RSL1D1: variants seen among roughly 807,000 people sequenced by gnomAD.
The protein encoded by RSL1D1 is ribosomal L1 domain-containing protein 1.
In RSL1D1, 34 loss-of-function variants were observed where a neutral mutation model predicts 44.6. The ratio of observed to expected loss-of-function variants is 0.76; its 90% CI spans 0.58 to 1.02. The LOEUF is 1.02. Among genes scored for constraint, RSL1D1 ranks in the 50% least tolerant of loss-of-function variants. RSL1D1 has a pLI of 0.00. For missense variants in RSL1D1, 767 were observed against 568.1 expected (o/e 1.35, Z -3.56); for synonymous variants, 271 against 207.4 (o/e 1.31, Z -2.63).
At position 11,836,420 on chromosome 16, in the gene RSL1D1, C is replaced by T. The variant is rs1007026956; in HGVS notation, c.*1367G>A. The T allele has an allele frequency of 1.3e-5, 2 of 152,204 alleles. No individual in the cohort carries two copies. Among genetic ancestry groups the T allele is most frequent in the African/African-American group, 4.8e-5 (2 of 41,462 alleles). The allele number at this position is 152,204 out of a possible 1,614,324, so 9.4% of individuals were successfully genotyped here. ...GGCATGCAAGAACATTCCTGCACTG[C>T]AGTGAATCTGTGAACTTACTACTAC... On this transcript the variant is annotated 3_prime_UTR_variant, in exon 9 of 9. Coordinates refer to ENST00000571133, the MANE Select transcript of RSL1D1 (RefSeq NM_015659.3).
At chr16:11,851,277 A>G in intron 1 of RSL1D1, 131 bp downstream of exon 1, 1 of 851,962 alleles carries the variant, frequency 1.2e-6, no homozygotes, top group Non-Finnish European at 2.0e-6. Context: ...CAGCTGAGGC[A>G]CACGGCCCGC....
chr16:11,846,493 T>C lies in RSL1D1; in HGVS notation c.635+8A>G, dbSNP rs1410112609. On this transcript the variant is annotated splice_region_variant and intron_variant, in intron 5 of 8. Transcript: ENST00000571133. ...TAAAAGAGGCACACATGAATGCCTTTTACCTACCTGCAAGAACCACTTTTA... is the reference window on the plus strand; with the variant it reads ...TAAAAGAGGCACACATGAATGCCTTCTACCTACCTGCAAGAACCACTTTTA... The C allele has an allele frequency of 1.4e-6, 2 of 1,420,120 alleles. No homozygotes were observed. The highest frequency in any genetic ancestry group is 9.8e-7 in the Non-Finnish European group (1 of 1,022,200). The allele number at this position is 1,420,120 out of a possible 1,614,324, so 88.0% of individuals were successfully genotyped here. A position where few individuals can be genotyped will look rare whatever the true frequency, so the allele number is the denominator to read the frequency against.
chr16:11,849,221 AAAGATTTCAAAATTAGCT>A (rs993676529), intron 2 of RSL1D1: 2 of 152,154 alleles, frequency 1.3e-5, no homozygotes, highest in African/African-American at 4.8e-5. Context: ...TCATCTCCAC[AAAGATTTCAAAATTAGCT>A]AGGCATGGTG....
chr16:11,843,416 C>T lies in RSL1D1; in HGVS notation c.636-1416G>A, dbSNP rs534751743. On this transcript the variant is annotated intron_variant, in intron 5 of 8. Coordinates refer to ENST00000571133, the MANE Select transcript of RSL1D1 (RefSeq NM_015659.3). ...GGTAGCACCTGACTGTGAGGTTAGGCGCATTGGGAGGCAGGGCCAGAGGAG... is the reference window on the plus strand; with the variant it reads ...GGTAGCACCTGACTGTGAGGTTAGGTGCATTGGGAGGCAGGGCCAGAGGAG... Among the ~76,000 whole-genome samples, 14 of 151,976 alleles carry T rather than the reference C, an allele frequency of 9.2e-5. No individual in the cohort carries two copies. The East Asian group carries it at 2.5e-3, about 28-fold the overall frequency.
intron 5 of RSL1D1, among the ~76,000 whole-genome samples, chr16:11,845,148 G>A (rs1002621955): frequency 6.6e-6 from 1 of 152,148 alleles, no homozygotes; most frequent in African/African-American, 2.4e-5. Flanking sequence ...GGGGTAATAT[G>A]GTGCTTTTAA....
chr16:11,840,018 G>A, intron 7 of RSL1D1, 33 bp from the exon 8 acceptor site: 1 of 1,601,654 alleles, frequency 6.2e-7, no homozygotes, highest in South Asian at 1.1e-5. Flanking sequence ...CATTTTAGCA[G>A]GAACAGTTCT....
chr16:11,842,032 T>TA, intron 5 of RSL1D1, 32 bp from the exon 6 acceptor site: 7 of 1,479,090 alleles, frequency 4.7e-6, no homozygotes, highest in African/African-American at 1.4e-5. Context: ...GACAAGATTT[T>TA]AAAAAACCAT....
At chr16:11,842,346 C>CA (rs1379987257) in intron 5 of RSL1D1, among the ~76,000 whole-genome samples, 6 of 148,278 alleles carry the variant, frequency 4.0e-5, no homozygotes, top group East Asian at 1.9e-4. Context: ...AAAAACAAAA[C>CA]AAAAAAACAA....
At position 11,851,399 on chromosome 16, in the gene RSL1D1, A is replaced by G. The variant is rs770927681; in HGVS notation, c.105+9T>C. ...TGCTTCCAAGCCACCCTCCCCAGGA[A>G]CCACTCACCTGTTCTTTATCCAGCT... On this transcript the variant is annotated intron_variant, in intron 1 of 8. Coordinates refer to ENST00000571133, the MANE Select transcript of RSL1D1 (RefSeq NM_015659.3). 2 of 1,613,470 alleles carry G rather than the reference A, an allele frequency of 1.2e-6. No individual in the cohort carries two copies. The highest frequency in any genetic ancestry group is 2.2e-5 in the South Asian group (2 of 91,066).
At position 11,845,005 on chromosome 16, in the gene RSL1D1, C is replaced by T. The variant is rs972449995; in HGVS notation, c.635+1496G>A. ...TAGGTAAGACTAGGTGTGGGGGCTC[C>T]GCCTAGCTCAGTATCCAGGGTAAGG... On this transcript the variant is annotated intron_variant, in intron 5 of 8. Transcript: ENST00000571133. Among the ~76,000 whole-genome samples the T allele has an allele frequency of 7.2e-5, 11 of 152,132 alleles. No homozygotes were observed. The East Asian group carries it at 1.9e-3, about 27-fold the overall frequency.
chr16:11,839,950 T>C lies in RSL1D1; in HGVS notation c.891A>G (p.Glu297=). Residue 297 remains glutamate (E), a synonymous_variant, in exon 8 of 9, where the codon GAA becomes GAG. Coordinates refer to ENST00000571133, the MANE Select transcript of RSL1D1 (RefSeq NM_015659.3). ...ARRKRRERNF[E]KQKERKKKRQ... is the part of the protein sequence containing the mutation. Reference sequence around the variant, plus strand: ...TCTTCTTCTTCCTCTCCTTTTGTTTTTCAAAATTTCTTTCTCTTCGTTTTC... The same window carrying C: ...TCTTCTTCTTCCTCTCCTTTTGTTTCTCAAAATTTCTTTCTCTTCGTTTTC... 6.2e-7 allele frequency: 1 copy of C among 1,612,020 alleles called. No individual in the cohort carries two copies. The highest frequency in any genetic ancestry group is 8.5e-7 in the Non-Finnish European group (1 of 1,179,442).
rs752917810 is a variant in RSL1D1, at chr16:11,839,718, T to A, written c.1123A>T (p.Thr375Ser). The change falls in exon 8 of 9, where the codon ACT becomes TCT. Residue 375 changes from threonine (T) to serine (S), a missense_variant. Coordinates refer to ENST00000571133, the MANE Select transcript of RSL1D1 (RefSeq NM_015659.3). Reference protein sequence around the residue: ...IPQLVPIGKKTPANEKVEIQK... With the variant: ...IPQLVPIGKKSPANEKVEIQK... ...ACCTCTACTTTTTCATTAGCTGGAGTCTTCTTTCCTATTGGTACCAGCTGT... is the reference window on the plus strand; with the variant it reads ...ACCTCTACTTTTTCATTAGCTGGAGACTTCTTTCCTATTGGTACCAGCTGT... 22 of 1,613,042 alleles carry A rather than the reference T, an allele frequency of 1.4e-5. No homozygotes were observed. Among genetic ancestry groups the A allele is most frequent in the Admixed American group, 5.0e-5 (3 of 59,722 alleles).
chr16:11,834,762 T>C lies in RSL1D1; in HGVS notation c.*3025A>G, dbSNP rs1468945336. On this transcript the variant is annotated 3_prime_UTR_variant, in exon 9 of 9. Coordinates refer to ENST00000571133, the MANE Select transcript of RSL1D1 (RefSeq NM_015659.3). The stretch of plus-strand genomic sequence containing the variant: ...AAAGGACAGTGGGGTTACAAATAAT[T>C]TTATATTTTAGATGCTTTCATAATT... 1 of 152,216 alleles carries C rather than the reference T, an allele frequency of 6.6e-6. No individual in the cohort carries two copies. The highest frequency in any genetic ancestry group is 1.5e-5 in the Non-Finnish European group (1 of 68,044). The allele number at this position is 152,216 out of a possible 1,614,324, so 9.4% of individuals were successfully genotyped here.
At position 11,851,219 on chromosome 16, in the gene RSL1D1, C is replaced by T. The variant is rs1440373857; in HGVS notation, c.105+189G>A. ...AACCCAATTCACTAGCGCCAGGCCGCAGGACCAGGGAAAGCAGGCGCCCAC... is the reference window on the plus strand; with the variant it reads ...AACCCAATTCACTAGCGCCAGGCCGTAGGACCAGGGAAAGCAGGCGCCCAC... On this transcript the variant is annotated intron_variant, in intron 1 of 8. Coordinates refer to ENST00000571133, the MANE Select transcript of RSL1D1 (RefSeq NM_015659.3). 6 of 649,332 alleles carry T rather than the reference C, an allele frequency of 9.2e-6. No homozygotes were observed. In the East Asian group the frequency reaches 1.7e-4, roughly 18 times the overall value. The allele number at this position is 649,332 out of a possible 1,614,324, so 40.2% of individuals were successfully genotyped here. A position where few individuals can be genotyped will look rare whatever the true frequency, so the allele number is the denominator to read the frequency against.
Position 11,837,686 on chromosome 16 carries a change from G to T in RSL1D1, c.*101C>A. ...GTTTTAAAAAATCTTTTAAGTCCAG[G>T]CCTGACGTTTAGAGAAGGTTACAAA... On this transcript the variant is annotated 3_prime_UTR_variant, in exon 9 of 9. Transcript: ENST00000571133. The T allele has an allele frequency of 9.1e-7, 1 of 1,100,382 alleles. No individual in the cohort carries two copies. 68.2% of individuals were successfully genotyped at this position (1,100,382 alleles called of 1,614,324 possible). A position where few individuals can be genotyped will look rare whatever the true frequency, so the allele number is the denominator to read the frequency against.
Position 11,837,655 on chromosome 16 carries a change from A to T in RSL1D1, c.*132T>A. 1 of 857,624 alleles carries T rather than the reference A, an allele frequency of 1.2e-6. No individual in the cohort carries two copies. The highest frequency in any genetic ancestry group is 1.8e-6 in the Non-Finnish European group (1 of 543,314). 53.1% of individuals were successfully genotyped at this position (857,624 alleles called of 1,614,324 possible). On this transcript the variant is annotated 3_prime_UTR_variant, in exon 9 of 9. Coordinates refer to ENST00000571133, the MANE Select transcript of RSL1D1 (RefSeq NM_015659.3). ...GTGAGCCACCGCCCCTGGACTACTTATGGAGGTTTTAAAAAATCTTTTAAG... is the reference window on the plus strand; with the variant it reads ...GTGAGCCACCGCCCCTGGACTACTTTTGGAGGTTTTAAAAAATCTTTTAAG...
intron 5 of RSL1D1, among the ~76,000 whole-genome samples, chr16:11,844,928 T>C (rs2053787394): frequency 6.6e-6 from 1 of 152,212 alleles, no homozygotes; most frequent in African/African-American, 2.4e-5. Context: ...AACCGCATCC[T>C]TTGCTCAGCC....
chr16:11,837,733 T>A lies in RSL1D1; in HGVS notation c.*54A>T, dbSNP rs1002829644. ...CAAAGGCGGCCAGGATCTGAGTATT[T>A]CCAAAAAGCTCTGGAGGCAGCATTG... On this transcript the variant is annotated 3_prime_UTR_variant, in exon 9 of 9. Coordinates refer to ENST00000571133, the MANE Select transcript of RSL1D1 (RefSeq NM_015659.3). 3 of 1,465,342 alleles carry A rather than the reference T, an allele frequency of 2.0e-6. No homozygotes were observed. The African/African-American group carries it at 4.3e-5, about 21-fold the overall frequency. The allele number at this position is 1,465,342 out of a possible 1,614,324, so 90.8% of individuals were successfully genotyped here. A position where few individuals can be genotyped will look rare whatever the true frequency, so the allele number is the denominator to read the frequency against.
chr16:11,850,254 G>C (rs748131893), intron 2 of RSL1D1, 25 bp downstream of exon 2: 1 of 1,555,894 alleles, frequency 6.4e-7, no homozygotes, highest in Non-Finnish European at 8.6e-7. Context: ...GATAAAAACA[G>C]CAAAGGTAGA....
Sources: gnomAD v4.1 joint callset for allele counts (sites outside exome capture counted in the v4.1 genomes callset) on GRCh38, gnomAD v4.1.1 for gene constraint, MANE v1.5 for transcripts, NCBI Gene and HGNC (gene_info 2026-07-23, HGNC 2026-07-21) for gene names.